TSNARE1: variants seen among roughly 807,000 people sequenced by gnomAD.
TSNARE1 encodes the protein t-SNARE domain containing 1.
In TSNARE1, 49 loss-of-function variants were observed where a neutral mutation model predicts 62.0. That is an observed-to-expected ratio of 0.79 (90% confidence interval 0.63 to 1.00). The LOEUF (loss-of-function observed/expected upper bound fraction) is 1.00. Ranked by LOEUF, TSNARE1 falls within the 50% of genes least tolerant of loss-of-function variation. TSNARE1 has a pLI of 0.00. For missense variants in TSNARE1, 755 were observed against 700.1 expected (o/e 1.08, Z -0.88); for synonymous variants, 328 against 294.4 (o/e 1.11, Z -1.17).
intron 9 of TSNARE1, among the ~76,000 whole-genome samples, chr8:142,311,409 T>C (rs191999316): frequency 1.1e-3 from 168 of 150,324 alleles, no homozygotes; most frequent in Middle Eastern, 0.01. Flanking sequence ...GTGGTTCTCC[T>C]GCTTCAGCCT....
chr8:142,220,867 G>A (rs1005268668), intron 13 of TSNARE1, among the ~76,000 whole-genome samples: 1 of 152,232 alleles, frequency 6.6e-6, no homozygotes, highest in Non-Finnish European at 1.5e-5. Context: ...CTGGCCAGCA[G>A]TTTCCCTGGC....
intron 4 of TSNARE1, among the ~76,000 whole-genome samples, chr8:142,336,503 G>C (rs1269826569): frequency 3.9e-5 from 6 of 152,144 alleles, no homozygotes; most frequent in African/African-American, 1.4e-4. Context: ...CAAAACAGAT[G>C]GTCAACTGAC....
At chr8:142,282,724 G>A (rs1445027957) in intron 11 of TSNARE1, among the ~76,000 whole-genome samples, 12 of 149,278 alleles carry the variant, frequency 8.0e-5, no homozygotes, top group South Asian at 6.3e-4. Flanking sequence ...ATGAGCGGAG[G>A]GGAGGCCACT....
chr8:142,286,581 G>A (rs954828802), intron 10 of TSNARE1, among the ~76,000 whole-genome samples: 5 of 152,182 alleles, frequency 3.3e-5, no homozygotes, highest in Non-Finnish European at 5.9e-5. Flanking sequence ...AACAGTGAAC[G>A]AAAGGATGGG....
chr8:142,244,490 T>C (rs1409660478), intron 12 of TSNARE1, among the ~76,000 whole-genome samples: 1 of 152,238 alleles, frequency 6.6e-6, no homozygotes, highest in Non-Finnish European at 1.5e-5. Context: ...AACAGAGTGA[T>C]ATACTATGTT....
Position 142,247,140 on chromosome 8 carries a change from G to A in TSNARE1, c.1447-17561C>T, listed in dbSNP as rs557304273. Among the ~76,000 whole-genome samples, 12 of 152,282 alleles carry A rather than the reference G, an allele frequency of 7.9e-5. No homozygotes were observed. The South Asian group carries it at 1.2e-3, about 16-fold the overall frequency. ...TGGGCAGGTGTGGGAAGCAGGGAGG[G>A]AGCAGCAGATGGGTGCCCACCGCCG... is the stretch of plus-strand genomic sequence containing the variant. On this transcript the variant is annotated intron_variant, in intron 12 of 13. Coordinates refer to ENST00000524325, the MANE Select transcript of TSNARE1 (RefSeq NM_145003.5).
At chr8:142,305,662 G>A (rs566776806) in intron 9 of TSNARE1, among the ~76,000 whole-genome samples, 3 of 152,206 alleles carry the variant, frequency 2.0e-5, no homozygotes, top group Non-Finnish European at 4.4e-5. Context: ...CTCACAAAGC[G>A]CTCCTTTATT....
upstream of TSNARE1, chr8:142,404,924 G>GGGCAGACCACCTCCAGGAGCCGCTTTCTT (rs1354862984): frequency 1.3e-5 from 2 of 152,370 alleles, no homozygotes; most frequent in Non-Finnish European, 2.9e-5. Flanking sequence ...TTTCCTCCCA[G>GGGCAGACCACCTCCAGGAGCCGCTTTCTT]GGCAGACCAC....
chr8:142,277,628 C>T (rs1820723724), intron 11 of TSNARE1: 2 of 985,318 alleles, frequency 2.0e-6, no homozygotes, highest in South Asian at 4.7e-5. Context: ...TAAGCACTCT[C>T]GCTTGGGAAT....
Position 142,357,214 on chromosome 8 carries a change from G to A in TSNARE1, c.-39-2451C>T, listed in dbSNP as rs571476338. Reference sequence around the variant, plus strand: ...ATCCCAGCCAGAGCTCACTCGAGCTGGTTAGGGGCCCCTCACGCCCCGTGA... The same window carrying A: ...ATCCCAGCCAGAGCTCACTCGAGCTAGTTAGGGGCCCCTCACGCCCCGTGA... On this transcript the variant is annotated intron_variant, in intron 1 of 13. Transcript: ENST00000524325. Among the ~76,000 whole-genome samples, 23 of 152,378 alleles carry A rather than the reference G, an allele frequency of 1.5e-4. 2 individuals carry two copies. The South Asian group carries it at 4.8e-3, about 32-fold the overall frequency.
At chr8:142,384,825 A>G (rs1293868108) in intron 1 of TSNARE1, among the ~76,000 whole-genome samples, 4 of 152,226 alleles carry the variant, frequency 2.6e-5, no homozygotes, top group Admixed American at 2.6e-4. Context: ...AAAAGAAAAA[A>G]ATAGATGGGA....
intron 9 of TSNARE1, among the ~76,000 whole-genome samples, chr8:142,307,456 G>A (rs893268668): frequency 4.6e-5 from 7 of 152,166 alleles, no homozygotes; most frequent in South Asian, 2.1e-4. Context: ...CTGTGGGTGC[G>A]CAAGTCCCTG....
chr8:142,292,266 C>T (rs1461307128), intron 10 of TSNARE1, among the ~76,000 whole-genome samples: 1 of 152,192 alleles, frequency 6.6e-6, no homozygotes, highest in East Asian at 1.9e-4. Context: ...CAGCTTTGCC[C>T]CGTTGGAAGT....
chr8:142,243,530 A>G (rs1817755599), intron 12 of TSNARE1, among the ~76,000 whole-genome samples: 1 of 151,774 alleles, frequency 6.6e-6, no homozygotes, highest in South Asian at 2.1e-4. Flanking sequence ...TCTCACTTAT[A>G]CGTAAAATCT....
At chr8:142,395,440 A>G (rs1837828844) in intron 1 of TSNARE1, among the ~76,000 whole-genome samples, 1 of 152,100 alleles carries the variant, frequency 6.6e-6, no homozygotes, top group African/African-American at 2.4e-5. Flanking sequence ...CGGCCCCAGC[A>G]AAGACACGGG....
intron 4 of TSNARE1, among the ~76,000 whole-genome samples, chr8:142,342,761 C>T (rs1028527346): frequency 1.3e-4 from 20 of 151,712 alleles, no homozygotes; most frequent in African/African-American, 4.4e-4. Context: ...TGTCCCAGCA[C>T]CTGTCTGGGC....
At position 142,381,347 on chromosome 8, in the gene TSNARE1, G is replaced by A. The variant is rs114307290; in HGVS notation, c.-40+21757C>T. 7.4e-3 allele frequency among the ~76,000 whole-genome samples: 1,133 copies of A among 152,316 alleles called. 7 individuals are homozygous for A. Among genetic ancestry groups the A allele is most frequent in the Middle Eastern group, 0.017 (5 of 294 alleles). On this transcript the variant is annotated intron_variant, in intron 1 of 13. Transcript: ENST00000524325. ...CCCAGGATGAATGGCTAAACCCCAC[G>A]GCCGGGCAGCAGGTGTCCAGGGAAG... is the stretch of plus-strand genomic sequence containing the variant.
At chr8:142,274,437 C>G (rs1459623848) in intron 12 of TSNARE1, 2 of 985,372 alleles carry the variant, frequency 2.0e-6, no homozygotes, top group Non-Finnish European at 2.4e-6. Flanking sequence ...CCAGTATGGA[C>G]ACTGAGCTGC....
rs556216749 is a variant in TSNARE1 at position 142,262,905 on chromosome 8, T to C, written c.1446+11876A>G. 1.8e-3 allele frequency among the ~76,000 whole-genome samples: 269 copies of C among 152,356 alleles called. 1 individual carries two copies. The highest frequency in any genetic ancestry group is 3.4e-3 in the Non-Finnish European group (228 of 68,032). On this transcript the variant is annotated intron_variant, in intron 12 of 13. Transcript: ENST00000524325. ...AATGGACTAACACACTTATTGACTA[T>C]GTACGGAAACGCCTTTGATTGTAAT...
Sources: allele counts gnomAD v4.1 joint callset (sites outside exome capture counted in the v4.1 genomes callset), GRCh38; gene constraint gnomAD v4.1.1; transcripts MANE v1.5; gene names NCBI Gene and HGNC (gene_info 2026-07-23, HGNC 2026-07-21).